The following TDRD12 variants were observed in gnomAD, a reference collection of about 807,000 sequenced individuals.
TDRD12 encodes the protein tudor domain containing 12.
TDRD12 carries 158 observed loss-of-function variants against 133.5 expected under a neutral mutation model. That is an observed-to-expected ratio of 1.18 (90% CI 1.04 to 1.35). The LOEUF (loss-of-function observed/expected upper bound fraction) is 1.35. Ranked by LOEUF, TDRD12 falls within the 40% of genes most tolerant of loss-of-function variation. The probability of loss-of-function intolerance (pLI) is 0.00; values close to 1 mark genes in which losing one functional copy is unlikely to be tolerated. For synonymous variants in TDRD12, 460 were observed against 477.9 expected (o/e 0.96, Z 0.49); for missense variants, 1,443 against 1,321.3 (o/e 1.09, Z -1.43).
At chr19:32,744,444 G>A (rs1225085118) in intron 4 of TDRD12, among the ~76,000 whole-genome samples, 3 of 133,550 alleles carry the variant, frequency 2.2e-5, no homozygotes, top group Admixed American at 8.6e-5. Context: ...AGGTTGCAGT[G>A]AGCCAAGATT....
At chr19:32,794,243 T>C (rs1971157357) in intron 13 of TDRD12, among the ~76,000 whole-genome samples, 1 of 151,716 alleles carries the variant, frequency 6.6e-6, no homozygotes, top group Non-Finnish European at 1.5e-5. Context: ...GTAGCTGGGA[T>C]TATAGGCATG....
intron 14 of TDRD12, 56 bp downstream of exon 14, chr19:32,794,869 A>G: frequency 1.5e-6 from 1 of 676,850 alleles, no homozygotes; most frequent in Middle Eastern, 2.6e-4. Flanking sequence ...TTATTTTAAA[A>G]TTATACACCT....
chr19:32,822,317 T>G (rs1457594074), downstream of TDRD12, among the ~76,000 whole-genome samples: 1 of 150,762 alleles, frequency 6.6e-6, no homozygotes, highest in Non-Finnish European at 1.5e-5. Context: ...CTGTAGTCCC[T>G]ACTACTTGGG....
intron 27 of TDRD12, among the ~76,000 whole-genome samples, chr19:32,819,633 C>T (rs553847703): frequency 1.3e-5 from 2 of 152,048 alleles, no homozygotes; most frequent in Admixed American, 6.6e-5. Context: ...CCCGTGGTCA[C>T]GAACACAGAG....
At chr19:32,729,343 G>A (rs933987693) in intron 1 of TDRD12, among the ~76,000 whole-genome samples, 3 of 149,358 alleles carry the variant, frequency 2.0e-5, no homozygotes, top group African/African-American at 7.4e-5. Flanking sequence ...TCAGCCTCCC[G>A]AGTAGCTGGG....
exon 13 of TDRD12, chr19:32,791,047 G>A (rs754241258): frequency 3.4e-5 from 52 of 1,535,908 alleles, no homozygotes; most frequent in Non-Finnish European, 4.2e-5. Context: ...ACTCGTCGCC[G>A]CTGTCAGCAG....
exon 10 of TDRD12, chr19:32,827,256 G>T (rs1294010976): frequency 6.5e-6 from 8 of 1,231,180 alleles, no homozygotes; most frequent in Non-Finnish European, 8.1e-6. Flanking sequence ...GAGTGAAAGA[G>T]AAGGTGAATG....
rs552545684 is a variant in TDRD12, at chr19:32,819,439, A to C, written c.3383+1282A>C. 1.0e-3 allele frequency among the ~76,000 whole-genome samples: 155 copies of C among 152,314 alleles called. 4 individuals are homozygous for C. Among genetic ancestry groups the C allele is most frequent in the Admixed American group, 0.01 (154 of 15,294 alleles). On this transcript the variant is annotated intron_variant, in intron 27 of 27. Transcript: ENST00000444215. ...TAGTTTCCCTCTACTTTCAAGAAAA[A>C]AAAAATTTCCCATACTTTTAAGATA...
At chr19:32,764,414 T>C (rs1006141616) in intron 8 of TDRD12, among the ~76,000 whole-genome samples, 3 of 152,154 alleles carry the variant, frequency 2.0e-5, no homozygotes, top group Non-Finnish European at 4.4e-5. Context: ...CTGGCTATAT[T>C]GTCCATCTTC....
intron 1 of TDRD12, among the ~76,000 whole-genome samples, chr19:32,727,625 T>TC (rs1372136813): frequency 6.6e-6 from 1 of 152,218 alleles, no homozygotes; most frequent in African/African-American, 2.4e-5. Flanking sequence ...ATTTTGAGTA[T>TC]GGTGTCACAT....
At chr19:32,768,055 C>T (rs1394432097) in intron 8 of TDRD12, among the ~76,000 whole-genome samples, 2 of 152,224 alleles carry the variant, frequency 1.3e-5, no homozygotes, top group Admixed American at 1.3e-4. Flanking sequence ...TAGCTGGACT[C>T]ATTTTCTTAC....
rs540248951 is a variant in TDRD12 at position 32,766,736 on chromosome 19, T to TC, written c.866-6014dup. Among the ~76,000 whole-genome samples, 13 of 152,112 alleles carry TC rather than the reference T, an allele frequency of 8.5e-5. No homozygotes were observed. The South Asian group carries it at 2.7e-3, about 32-fold the overall frequency. The stretch of plus-strand genomic sequence containing the variant: ...TTCTAGTGATTCTCCTGCCTTAGCC[T>TC]CCCGAGTAGCTGGGACTACAAGCAT... On this transcript the variant is annotated intron_variant, in intron 8 of 27. Transcript: ENST00000444215.
At chr19:32,785,590 G>T (rs1208617471) in intron 11 of TDRD12, among the ~76,000 whole-genome samples, 1 of 152,084 alleles carries the variant, frequency 6.6e-6, no homozygotes, top group Non-Finnish European at 1.5e-5. Context: ...TATTGTGTGG[G>T]AGTCTAGATC....
chr19:32,794,652 G>C, exon 14 of TDRD12: 1 of 702,592 alleles, frequency 1.4e-6, no homozygotes. Context: ...TAAGTTTCCG[G>C]GCCCCAGCCA....
intron 11 of TDRD12, among the ~76,000 whole-genome samples, chr19:32,777,918 C>T (rs951307415): frequency 8.2e-6 from 1 of 122,574 alleles, no homozygotes. Flanking sequence ...GCTATGTTAC[C>T]CAGGCTGGTC....
At chr19:32,750,944 G>T (rs760839470) in intron 6 of TDRD12, among the ~76,000 whole-genome samples, 7 of 152,158 alleles carry the variant, frequency 4.6e-5, no homozygotes, top group Non-Finnish European at 1.0e-4. Context: ...GATGTGAATG[G>T]TTTTTTTCCT....
intron 21 of TDRD12, among the ~76,000 whole-genome samples, chr19:32,805,998 C>T (rs554985734): frequency 1.2e-4 from 18 of 152,286 alleles, no homozygotes; most frequent in African/African-American, 4.3e-4. Flanking sequence ...TCCCAAAGTG[C>T]TGGGATTACA....
intron 8 of TDRD12, among the ~76,000 whole-genome samples, chr19:32,762,836 G>T (rs1195539588): frequency 6.6e-6 from 1 of 152,176 alleles, no homozygotes; most frequent in Non-Finnish European, 1.5e-5. Context: ...TGATTTTGGT[G>T]TGCAAACATC....
intron 8 of TDRD12, among the ~76,000 whole-genome samples, chr19:32,768,654 C>G (rs757385799): frequency 1.3e-5 from 2 of 152,042 alleles, no homozygotes; most frequent in Non-Finnish European, 2.9e-5. Context: ...GTGTGAGCCA[C>G]TGCACGCTGA....
Sources: allele counts gnomAD v4.1 joint callset (sites outside exome capture counted in the v4.1 genomes callset), GRCh38; gene constraint gnomAD v4.1.1; transcripts MANE v1.5; gene names NCBI Gene and HGNC (gene_info 2026-07-23, HGNC 2026-07-21).